Variants in KLHL12 observed in about 807,000 individuals in gnomAD.
KLHL12 encodes the protein kelch-like protein 12.
In KLHL12, 17 loss-of-function variants were observed where a neutral mutation model predicts 60.8. The observed-to-expected ratio is 0.28, with a 90% CI of 0.19 to 0.42. The LOEUF is 0.42. Ranked by LOEUF, KLHL12 falls within the 10% of genes least tolerant of loss-of-function variation. KLHL12 has a pLI of 1.00. For missense variants in KLHL12, 468 were observed against 722.3 expected (o/e 0.65, Z 4.04); for synonymous variants, 220 against 250.9 (o/e 0.88, Z 1.16).
intron 6 of KLHL12, among the ~76,000 whole-genome samples, chr1:202,898,435 A>T (rs1175642748): frequency 6.6e-6 from 1 of 152,248 alleles, no homozygotes; most frequent in Admixed American, 6.5e-5. Flanking sequence ...TTTGACAATT[A>T]TCATCAATTG....
chr1:202,928,520 C>A, upstream of KLHL12: 2 of 1,304,410 alleles, frequency 1.5e-6, no homozygotes, highest in Non-Finnish European at 2.0e-6. Flanking sequence ...CGAGAAAACC[C>A]ACAGAGGCCT....
At chr1:202,903,124 C>T (rs555764698) in intron 6 of KLHL12, among the ~76,000 whole-genome samples, 79 of 132,810 alleles carry the variant, frequency 5.9e-4, no homozygotes, top group African/African-American at 2.3e-3. Context: ...CATGCCACTG[C>T]ACTCTAGCCT....
At chr1:202,899,814 C>T (rs1659950000) in intron 6 of KLHL12, among the ~76,000 whole-genome samples, 1 of 77,762 alleles carries the variant, frequency 1.3e-5, no homozygotes, top group Non-Finnish European at 2.5e-5. Flanking sequence ...CAGAGTAAGA[C>T]TCCATCTCAA....
chr1:202,910,779 A>T (rs1256842450), intron 5 of KLHL12, among the ~76,000 whole-genome samples: 2 of 152,214 alleles, frequency 1.3e-5, no homozygotes, highest in African/African-American at 4.8e-5. Flanking sequence ...GTTTATTATC[A>T]AGTGTTTATA....
In KLHL12 at chr1:202,893,815, C is replaced by A. The variant is rs1659748369; in HGVS notation, c.1393+369G>T. On this transcript the variant is annotated intron_variant, in intron 10 of 11. Transcript: ENST00000367261. This position sits in a 1 kb window ranked among gnomAD's most constrained non-coding sequence, Gnocchi z 4.1. ...AAACTAGAACAGCACAGTGCTCTCT[C>A]CTTTTCTATATCCCAGCCTGCTCCA... Among the ~76,000 whole-genome samples the A allele has an allele frequency of 6.6e-6, 1 of 152,188 alleles. No individual in the cohort carries two copies. Among genetic ancestry groups the A allele is most frequent in the Non-Finnish European group, 1.5e-5 (1 of 68,040 alleles).
chr1:202,915,473 T>TA (rs1056749287), intron 4 of KLHL12, among the ~76,000 whole-genome samples: 2 of 151,404 alleles, frequency 1.3e-5, no homozygotes, highest in Non-Finnish European at 2.9e-5. Flanking sequence ...GACACACACT[T>TA]AAAAAAAAAC....
chr1:202,911,816 C>G, intron 4 of KLHL12: 1 of 743,690 alleles, frequency 1.3e-6, no homozygotes, highest in Non-Finnish European at 2.4e-6. Context: ...GCCGTCATGT[C>G]TAAGTCAGAG....
intron 4 of KLHL12, among the ~76,000 whole-genome samples, chr1:202,912,883 G>A (rs1420818292): frequency 6.6e-6 from 1 of 152,008 alleles, no homozygotes; most frequent in Non-Finnish European, 1.5e-5. Flanking sequence ...CATGTGTATG[G>A]GCAAAAAACT....
Position 202,892,543 on chromosome 1 carries a change from C to G in KLHL12, c.1697G>C (p.Arg566Pro), listed in dbSNP as rs372468701. The change falls in exon 12 of 12, where the codon CGC becomes CCC. Residue 566 changes from arginine to proline, a missense_variant. Around this residue, in one of 4 missense-constraint regions of KLHL12, gnomAD observed 68 missense variants for 119.8 expected, o/e 0.57. Transcript: ENST00000367261. ...QRCDAGVCVL[R>P]EK The stretch of plus-strand genomic sequence containing the variant: ...GTGCTCCAACAATGGTCACTTCTCG[C>G]GGAGAACACAAACACCAGCATCACA... The G allele has an allele frequency of 6.2e-7, 1 of 1,613,566 alleles. No homozygotes were observed. The highest frequency in any genetic ancestry group is 8.5e-7 in the Non-Finnish European group (1 of 1,179,964).
In KLHL12 at chr1:202,895,866, G is replaced by T; in HGVS notation, c.940-149C>A. ...TCCTTAAGTGGTTCATCCTCAAGTG[G>T]CTCCCAAATAGCTACCTACTGAACG... On this transcript the variant is annotated intron_variant, in intron 7 of 11. Transcript: ENST00000367261. The surrounding 1 kb of genome is among the most constrained non-coding windows in gnomAD (Gnocchi z 4.2). 1.6e-6 allele frequency: 1 copy of T among 614,808 alleles called. No individual in the cohort carries two copies. Among genetic ancestry groups the T allele is most frequent in the Non-Finnish European group, 2.9e-6 (1 of 347,482 alleles). 38.1% of individuals were successfully genotyped at this position (614,808 alleles called of 1,614,324 possible).
At chr1:202,907,907 C>A (rs555661469) in intron 6 of KLHL12, among the ~76,000 whole-genome samples, 1 of 151,990 alleles carries the variant, frequency 6.6e-6, no homozygotes, top group East Asian at 1.9e-4. Flanking sequence ...GACCTCATTT[C>A]TATTAAAAAA....
rs1660339905 is a variant in KLHL12, at chr1:202,911,104, G to A, written c.667C>T (p.Arg223Trp). 3.1e-6 allele frequency: 5 copies of A among 1,613,914 alleles called. No homozygotes were observed. Among genetic ancestry groups the A allele is most frequent in the Admixed American group, 1.7e-5 (1 of 59,994 alleles). Residue 223 changes from arginine (R) to tryptophan (W), a missense_variant, in exon 5 of 12, where the codon CGG becomes TGG. By Grantham distance (101) the Arg-to-Trp change is moderately radical. Transcript: ENST00000367261. Reference protein sequence around the residue: ...ESLPNLLQYVRMPLLTPRYIT... With the variant: ...ESLPNLLQYVWMPLLTPRYIT... Reference sequence around the variant, plus strand: ...TACCTGGGGGTTAGTAGGGGCATCCGCACATACTGTAGCAGGTTAGGCAAG... The same window carrying A: ...TACCTGGGGGTTAGTAGGGGCATCCACACATACTGTAGCAGGTTAGGCAAG...
intron 6 of KLHL12, among the ~76,000 whole-genome samples, chr1:202,907,062 A>G (rs376114815): frequency 7.2e-5 from 11 of 152,298 alleles, no homozygotes; most frequent in African/African-American, 2.4e-4. Flanking sequence ...GTTTTTCACC[A>G]TTCAGTCCTT....
chr1:202,924,240 T>A (rs898706012), intron 2 of KLHL12, among the ~76,000 whole-genome samples: 1 of 152,182 alleles, frequency 6.6e-6, no homozygotes, highest in Non-Finnish European at 1.5e-5. Context: ...TTCCCTTTGT[T>A]AAGTGCTTAT....
At chr1:202,925,236 A>G in intron 1 of KLHL12, 29 bp from the exon 2 acceptor site, 1 of 1,593,606 alleles carries the variant, frequency 6.3e-7, no homozygotes, top group South Asian at 1.1e-5. Flanking sequence ...AACAATGAGC[A>G]TATTCAAAGA....
chr1:202,911,415 A>AT (rs1401098732), intron 4 of KLHL12, among the ~76,000 whole-genome samples: 1 of 99,028 alleles, frequency 1.0e-5, no homozygotes, highest in South Asian at 2.9e-4. Context: ...TGGGTTAAAA[A>AT]AAAAATATAT....
Position 202,894,575 on chromosome 1 carries a change from A to C in KLHL12, c.1294+16T>G. 1 of 1,613,872 alleles carries C rather than the reference A, an allele frequency of 6.2e-7. No homozygotes were observed. Among genetic ancestry groups the C allele is most frequent in the Non-Finnish European group, 8.5e-7 (1 of 1,179,828 alleles). On this transcript the variant is annotated intron_variant, in intron 9 of 11. Transcript: ENST00000367261. Reference sequence around the variant, plus strand: ...CCATTGAGTTCCCTCCCATTCCTGCATCCCAGACTCAATACCTAGACAGTA... The same window carrying C: ...CCATTGAGTTCCCTCCCATTCCTGCCTCCCAGACTCAATACCTAGACAGTA...
At chr1:202,898,404 A>G (rs1004372163) in intron 6 of KLHL12, among the ~76,000 whole-genome samples, 4 of 152,200 alleles carry the variant, frequency 2.6e-5, no homozygotes, top group Middle Eastern at 3.2e-3. Flanking sequence ...AACACAGATA[A>G]ACCCCTAATG....
upstream of KLHL12, chr1:202,928,433 T>G (rs1467629268): frequency 6.0e-6 from 7 of 1,164,254 alleles, no homozygotes; most frequent in African/African-American, 1.1e-4. Context: ...CAGAGAGAAT[T>G]CCAACGCTTA....
Sources: gnomAD v4.1 joint callset for allele counts (sites outside exome capture counted in the v4.1 genomes callset) on GRCh38, gnomAD v4.1.1 for gene constraint, gnomAD v4.1.1 regional missense constraint, Gnocchi (gnomAD v3.1) non-coding constraint, MANE v1.5 for transcripts, NCBI Gene and HGNC (gene_info 2026-07-23, HGNC 2026-07-21) for gene names.